OR2M3: variants seen among roughly 807,000 people sequenced by gnomAD.
OR2M3 encodes the protein olfactory receptor family 2 subfamily M member 3.
In OR2M3, 1 loss-of-function variant was observed where a neutral mutation model predicts 4.3. That is an observed-to-expected ratio of 0.23 (90% confidence interval 0.08 to 1.11). The LOEUF is 1.11. Ranked by LOEUF, OR2M3 falls within the 50% of genes most tolerant of loss-of-function variation. The pLI, the probability that OR2M3 is intolerant of heterozygous loss-of-function variation, is 0.54. For synonymous variants in OR2M3, 151 were observed against 139.4 expected (o/e 1.08, Z -0.59); for missense variants, 410 against 390.4 (o/e 1.05, Z -0.42).
chr1:248,200,988 G>A (rs1215519955), intron 1 of OR2M3, among the ~76,000 whole-genome samples: 1 of 151,980 alleles, frequency 6.6e-6, no homozygotes, highest in Non-Finnish European at 1.5e-5. Context: ...TGTGACGCAT[G>A]AATAAATGAG....
At position 248,204,053 on chromosome 1, in the gene OR2M3, T is replaced by A. The variant is rs745603784; in HGVS notation, c.*47T>A. On this transcript the variant is annotated 3_prime_UTR_variant, in exon 2 of 2. Coordinates refer to ENST00000641626, the MANE Select transcript of OR2M3 (RefSeq NM_001004689.2). ...TTTGCTGTGTGCTAAATCCTTTTTT[T>A]AAATGGTCCTATTTTTCCATTAAGC... is the stretch of plus-strand genomic sequence containing the variant. The A allele has an allele frequency of 1.3e-6, 2 of 1,582,808 alleles. No homozygotes were observed. Among genetic ancestry groups the A allele is most frequent in the Non-Finnish European group, 1.7e-6 (2 of 1,153,980 alleles).
At chr1:248,203,007 A>G in intron 1 of OR2M3, 43 bp from the exon 2 acceptor site, 1 of 1,524,092 alleles carries the variant, frequency 6.6e-7, no homozygotes, top group Non-Finnish European at 8.9e-7. Context: ...TAAGGCACTG[A>G]GTAAAGTTTT....
In OR2M3 at chr1:248,200,929, G is replaced by C. The variant is rs936805963; in HGVS notation, c.-18-2121G>C. Among the ~76,000 whole-genome samples, 3 of 152,012 alleles carry C rather than the reference G, an allele frequency of 2.0e-5. No homozygotes were observed. In the South Asian group the frequency reaches 6.2e-4, roughly 31 times the overall value. On this transcript the variant is annotated intron_variant, in intron 1 of 1. Coordinates refer to ENST00000641626, the MANE Select transcript of OR2M3 (RefSeq NM_001004689.2). The stretch of plus-strand genomic sequence containing the variant: ...TCTTCCAACTCCCTTGCTCTTCCTA[G>C]ATTATTCAGCTTTCATTGTTGTTGT...
rs1011778964 is a variant in OR2M3 at position 248,211,276 on chromosome 1, T to A, written c.*7270T>A. The A allele has an allele frequency of 6.6e-6, 1 of 152,156 alleles. No individual in the cohort carries two copies. Among genetic ancestry groups the A allele is most frequent in the African/African-American group, 2.4e-5 (1 of 41,432 alleles). 9.4% of individuals were successfully genotyped at this position (152,156 alleles called of 1,614,324 possible). A position where few individuals can be genotyped will look rare whatever the true frequency, so the allele number is the denominator to read the frequency against. ...ATTACTTCCATCACAAAAAGTTAAC[T>A]TTTATTATGGGATCCCAGATCCAAA... On this transcript the variant is annotated 3_prime_UTR_variant, in exon 2 of 2. Transcript: ENST00000641626.
intron 1 of OR2M3, among the ~76,000 whole-genome samples, chr1:248,201,442 T>C (rs955025511): frequency 6.6e-6 from 1 of 152,076 alleles, no homozygotes; most frequent in East Asian, 1.9e-4. Flanking sequence ...CCTCTTTTTT[T>C]ATTATTTTTA....
At chr1:248,199,788 G>A (rs544244933) in intron 1 of OR2M3, among the ~76,000 whole-genome samples, 75 of 152,038 alleles carry the variant, frequency 4.9e-4, no homozygotes, top group African/African-American at 1.7e-3. Context: ...CATATTCTCC[G>A]TGACAGGGCA....
chr1:248,203,350 G>A lies in OR2M3; in HGVS notation c.283G>A (p.Ala95Thr). Reference protein sequence around the residue: ...YLSGSKSISMAGCATQIFFYT... With the variant: ...YLSGSKSISMTGCATQIFFYT... ...GTCTGGCAGCAAGTCCATTTCTATG[G>A]CTGGTTGTGCCACACAAATTTTCTT... Residue 95 changes from alanine (A) to threonine (T), a missense_variant, in exon 2 of 2, where the codon GCT becomes ACT. Physicochemically the swap from Ala to Thr is moderately conservative, Grantham distance 58 (BLOSUM62 0). Coordinates refer to ENST00000641626, the MANE Select transcript of OR2M3 (RefSeq NM_001004689.2). The A allele has an allele frequency of 6.2e-7, 1 of 1,614,064 alleles. No homozygotes were observed. The highest frequency in any genetic ancestry group is 8.5e-7 in the Non-Finnish European group (1 of 1,180,016).
rs373293231 is a variant in OR2M3, at chr1:248,203,659, A to T, written c.592A>T (p.Ile198Phe). The T allele has an allele frequency of 8.7e-6, 14 of 1,613,630 alleles. No homozygotes were observed. The Middle Eastern group carries it at 5.0e-4, about 57-fold the overall frequency. The change falls in exon 2 of 2, where the codon ATT (isoleucine) becomes TTT (phenylalanine). Residue 198 changes from isoleucine (I) to phenylalanine (F), a missense_variant. Ile to Phe is a conservative substitution (Grantham distance 21). Coordinates refer to ENST00000641626, the MANE Select transcript of OR2M3 (RefSeq NM_001004689.2). ...SCSDTSIFEK[I>F]LFICCIVMIV... Reference sequence around the variant, plus strand: ...CAGTGACACATCAATATTTGAAAAGATTCTTTTCATCTGCTGTATAGTAAT... The same window carrying T: ...CAGTGACACATCAATATTTGAAAAGTTTCTTTTCATCTGCTGTATAGTAAT...
Position 248,208,402 on chromosome 1 carries a change from T to C in OR2M3, c.*4396T>C, listed in dbSNP as rs1248735673. The C allele has an allele frequency of 2.0e-5, 3 of 152,152 alleles. No individual in the cohort carries two copies. The highest frequency in any genetic ancestry group is 4.4e-5 in the Non-Finnish European group (3 of 68,008). 9.4% of individuals were successfully genotyped at this position (152,152 alleles called of 1,614,324 possible). On this transcript the variant is annotated 3_prime_UTR_variant, in exon 2 of 2. Transcript: ENST00000641626. ...TTTTTTGTTTGTTTTCATTATGTTA[T>C]TGTTATATAGGTCCTGTAATATTTA...
chr1:248,198,346 A>T (rs1666120085), intron 1 of OR2M3, among the ~76,000 whole-genome samples: 1 of 152,164 alleles, frequency 6.6e-6, no homozygotes, highest in East Asian at 1.9e-4. Flanking sequence ...TTGTTCATTC[A>T]ACATTCTATT....
At chr1:248,199,732 C>A (rs1198044934) in intron 1 of OR2M3, among the ~76,000 whole-genome samples, 1 of 152,030 alleles carries the variant, frequency 6.6e-6, no homozygotes, top group Non-Finnish European at 1.5e-5. Flanking sequence ...TCAATATTTT[C>A]AATTTTGTGA....
intron 1 of OR2M3, among the ~76,000 whole-genome samples, 179 bp downstream of exon 1, chr1:248,197,480 A>G (rs11204609): frequency 0.2 from 31,024 of 152,038 alleles, 3,577 homozygotes; most frequent in East Asian, 0.38. Flanking sequence ...ATGTGGTACA[A>G]TCTGAGGCAG....
At position 248,200,156 on chromosome 1, in the gene OR2M3, C is replaced by A. The variant is rs143992883; in HGVS notation, c.-19+2855C>A. Reference sequence around the variant, plus strand: ...TCCTTCTTGGAGTAATATTGCAGACCTACTTAAAGAAAAATTATGGTGGAA... The same window carrying A: ...TCCTTCTTGGAGTAATATTGCAGACATACTTAAAGAAAAATTATGGTGGAA... On this transcript the variant is annotated intron_variant, in intron 1 of 1. Transcript: ENST00000641626. Among the ~76,000 whole-genome samples the A allele has an allele frequency of 2.8e-3, 433 of 152,118 alleles. 1 individual carries two copies. The highest frequency in any genetic ancestry group is 0.01 in the African/African-American group (417 of 41,498).
intron 1 of OR2M3, among the ~76,000 whole-genome samples, chr1:248,198,646 C>G (rs563839954): frequency 1.3e-5 from 2 of 152,212 alleles, no homozygotes; most frequent in South Asian, 2.1e-4. Flanking sequence ...CCATCATCTC[C>G]CTCAGTGACT....
intron 1 of OR2M3, among the ~76,000 whole-genome samples, chr1:248,202,389 C>T (rs1476881987): frequency 1.3e-5 from 2 of 152,136 alleles, no homozygotes; most frequent in Admixed American, 6.6e-5. Flanking sequence ...ACTAGTTACA[C>T]TCTTTATGTA....
Position 248,208,847 on chromosome 1 carries a change from GCTT to G in OR2M3, c.*4845_*4847del, listed in dbSNP as rs1239965986. 1 of 152,096 alleles carries G rather than the reference GCTT, an allele frequency of 6.6e-6. No individual in the cohort carries two copies. Among genetic ancestry groups the G allele is most frequent in the Non-Finnish European group, 1.5e-5 (1 of 68,014 alleles). The allele number at this position is 152,096 out of a possible 1,614,324, so 9.4% of individuals were successfully genotyped here. A position where few individuals can be genotyped will look rare whatever the true frequency, so the allele number is the denominator to read the frequency against. ...CATGAATTTCCCAGGTGTTCTTTGA[GCTT>G]CTTGAGTTTGGATGTTTAGATCCAG... On this transcript the variant is annotated 3_prime_UTR_variant, in exon 2 of 2. Coordinates refer to ENST00000641626, the MANE Select transcript of OR2M3 (RefSeq NM_001004689.2).
Position 248,208,092 on chromosome 1 carries a change from C to T in OR2M3, c.*4086C>T, listed in dbSNP as rs1372815955. On this transcript the variant is annotated 3_prime_UTR_variant, in exon 2 of 2. Transcript: ENST00000641626. Reference sequence around the variant, plus strand: ...CTTTGTCTTTTTTTAACTGCTCTTGCTTTAAAGTTTGTTTTTTTCTAATAT... The same window carrying T: ...CTTTGTCTTTTTTTAACTGCTCTTGTTTTAAAGTTTGTTTTTTTCTAATAT... The T allele has an allele frequency of 6.6e-6, 1 of 151,950 alleles. No individual in the cohort carries two copies. Among genetic ancestry groups the T allele is most frequent in the Non-Finnish European group, 1.5e-5 (1 of 67,944 alleles). The allele number at this position is 151,950 out of a possible 1,614,324, so 9.4% of individuals were successfully genotyped here.
Position 248,203,525 on chromosome 1 carries a change from C to G in OR2M3, c.458C>G (p.Ser153Cys). The change falls in exon 2 of 2, where the codon TCT becomes TGT. Residue 153 changes from serine (S) to cysteine (C), a missense_variant. Transcript: ENST00000641626. ...LMTAFSWILGSTDGIIDVVAT... is the reference protein window; with the variant it reads ...LMTAFSWILGCTDGIIDVVAT... The stretch of plus-strand genomic sequence containing the variant: ...ACTGCCTTTTCCTGGATCCTGGGCT[C>G]TACGGATGGAATTATTGATGTTGTA... The G allele has an allele frequency of 6.2e-7, 1 of 1,613,772 alleles. No homozygotes were observed. Among genetic ancestry groups the G allele is most frequent in the African/African-American group, 1.3e-5 (1 of 74,966 alleles).
At chr1:248,202,824 G>C (rs1666172545) in intron 1 of OR2M3, among the ~76,000 whole-genome samples, 4 of 151,756 alleles carry the variant, frequency 2.6e-5, no homozygotes, top group African/African-American at 7.2e-5. Context: ...TTTTTCAATG[G>C]AGAAAGGGGA....
Sources: gnomAD v4.1 joint callset for allele counts (sites outside exome capture counted in the v4.1 genomes callset) on GRCh38, gnomAD v4.1.1 for gene constraint, MANE v1.5 for transcripts, NCBI Gene and HGNC (gene_info 2026-07-23, HGNC 2026-07-21) for gene names.